Variants in KIAA1217 observed in about 807,000 individuals in gnomAD.
The protein encoded by KIAA1217 is sickle tail protein homolog.
KIAA1217 carries 88 observed loss-of-function variants against 163.9 expected under a neutral mutation model. The observed-to-expected ratio is 0.54, with a 90% confidence interval of 0.45 to 0.64. The LOEUF (loss-of-function observed/expected upper bound fraction) is 0.64, where lower values mean the gene tolerates loss of function less well. Among genes scored for constraint, KIAA1217 ranks in the 30% least tolerant of loss-of-function variants. KIAA1217 has a pLI of 0.00. For synonymous variants in KIAA1217, 903 were observed against 923.1 expected (o/e 0.98, Z 0.39); for missense variants, 2,372 against 2,475.0 (o/e 0.96, Z 0.88).
At chr10:24,088,274 T>TATATATATATATATATATATATATACAC (rs1285415158) in intron 2 of KIAA1217, among the ~76,000 whole-genome samples, 1 of 107,240 alleles carries the variant, frequency 9.3e-6, no homozygotes, top group African/African-American at 3.1e-5. Flanking sequence ...TATATATATA[T>TATATATATATATATATATATATATACAC]ACACACATAT....
Position 24,521,838 on chromosome 10 carries a change from G to A in KIAA1217, c.2365G>A (p.Ala789Thr). The A allele has an allele frequency of 6.2e-7, 1 of 1,613,886 alleles. No homozygotes were observed. The highest frequency in any genetic ancestry group is 1.1e-5 in the South Asian group (1 of 91,082). ...MRAILRIEVE[A>T]VRFLKEEPHK... ...AGCCATCCTGCGCATAGAAGTGGAG[G>A]CCGTGCGGTTTCTGAAGGAGGAGCC... The change falls in exon 12 of 21, where the codon GCC (alanine) becomes ACC (threonine). Residue 789 changes from alanine to threonine, a missense_variant. By Grantham distance (58) the Ala-to-Thr change is moderately conservative. Around this residue, in one of 3 missense-constraint regions of KIAA1217, gnomAD observed 1,431 missense variants for 1,470.3 expected, o/e 0.97. Coordinates refer to ENST00000376454, the MANE Select transcript of KIAA1217 (RefSeq NM_019590.5).
chr10:24,044,149 T>C (rs904883370), intron 2 of KIAA1217, among the ~76,000 whole-genome samples: 5 of 152,290 alleles, frequency 3.3e-5, no homozygotes, highest in Admixed American at 2.6e-4. Context: ...TTTTTATTCT[T>C]TAATCAGTAT....
At chr10:24,084,494 G>A (rs754188422) in intron 2 of KIAA1217, among the ~76,000 whole-genome samples, 1 of 152,198 alleles carries the variant, frequency 6.6e-6, no homozygotes, top group Non-Finnish European at 1.5e-5. Context: ...TTTATAGATA[G>A]TAATGAGAGC....
At chr10:24,220,098 A>C (rs1001036030) in intron 2 of KIAA1217, among the ~76,000 whole-genome samples, 189 bp downstream of exon 2, 3 of 152,190 alleles carry the variant, frequency 2.0e-5, no homozygotes, top group Non-Finnish European at 4.4e-5. Flanking sequence ...CTGCAAGCTC[A>C]GTCTTCTTTG....
At chr10:24,272,039 A>G (rs1171541956) in intron 2 of KIAA1217, among the ~76,000 whole-genome samples, 1 of 152,088 alleles carries the variant, frequency 6.6e-6, no homozygotes, top group African/African-American at 2.4e-5. Flanking sequence ...ATTGGGTGGG[A>G]AGGGTGGACT....
intron 2 of KIAA1217, among the ~76,000 whole-genome samples, chr10:24,321,046 CA>C (rs967179185): frequency 1.2e-4 from 15 of 127,284 alleles, no homozygotes; most frequent in South Asian, 2.9e-4. Context: ...GACTCCATCT[CA>C]AAAAAAAAAC....
chr10:24,156,660 A>G (rs1418002687), intron 2 of KIAA1217, among the ~76,000 whole-genome samples: 2 of 152,096 alleles, frequency 1.3e-5, no homozygotes, highest in Non-Finnish European at 1.5e-5. Context: ...CTGGGCCACT[A>G]TCCACCTTCC....
intron 2 of KIAA1217, among the ~76,000 whole-genome samples, chr10:24,015,589 C>T (rs972543683): frequency 4.0e-5 from 6 of 151,742 alleles, no homozygotes; most frequent in African/African-American, 9.7e-5. Flanking sequence ...AACCGCATCT[C>T]TACTATAAAT....
chr10:24,340,665 G>A (rs765452252), intron 2 of KIAA1217, among the ~76,000 whole-genome samples: 2 of 152,044 alleles, frequency 1.3e-5, no homozygotes, highest in Non-Finnish European at 2.9e-5. Flanking sequence ...GCCAGACAAG[G>A]CTCCGCTGGC....
intron 1 of KIAA1217, among the ~76,000 whole-genome samples, chr10:23,724,713 T>C (rs1963754): frequency 0.22 from 33,238 of 152,158 alleles, 3,870 homozygotes; most frequent in African/African-American, 0.29. Context: ...GAAAGTCCAC[T>C]ACAATCTCTT....
chr10:24,483,172 G>C (rs770337572), intron 6 of KIAA1217: 9 of 152,204 alleles, frequency 5.9e-5, no homozygotes, highest in Non-Finnish European at 1.0e-4. Context: ...AGGAGAAACA[G>C]CAAGGAGACT....
At chr10:24,207,259 T>C (rs932847706), upstream of KIAA1217, among the ~76,000 whole-genome samples, 30 of 136,750 alleles carry the variant, frequency 2.2e-4, no homozygotes, top group African/African-American at 9.2e-4. Context: ...CATCTCCTGC[T>C]ACAGTGTTTC....
chr10:24,100,739 A>G (rs1458158306), intron 2 of KIAA1217, among the ~76,000 whole-genome samples: 1 of 152,250 alleles, frequency 6.6e-6, no homozygotes, highest in Non-Finnish European at 1.5e-5. Context: ...ATATATTTCT[A>G]GTATGACTGC....
chr10:24,452,412 GC>G (rs1564704688), intron 5 of KIAA1217, among the ~76,000 whole-genome samples: 3 of 151,918 alleles, frequency 2.0e-5, no homozygotes, highest in Admixed American at 1.3e-4. Context: ...GGTGGTTCAC[GC>G]CTGTATTTCC....
intron 6 of KIAA1217, chr10:24,482,598 C>T (rs914853904): frequency 4.6e-5 from 7 of 152,278 alleles, no homozygotes; most frequent in African/African-American, 9.6e-5. Flanking sequence ...TTCTGTCTGG[C>T]GGAAACCATG....
intron 2 of KIAA1217, among the ~76,000 whole-genome samples, chr10:24,313,262 G>A (rs1272133088): frequency 1.3e-5 from 2 of 152,164 alleles, no homozygotes; most frequent in Non-Finnish European, 2.9e-5. Flanking sequence ...TCTCTTTGAG[G>A]ACAATGACAG....
In KIAA1217 at chr10:24,162,282, T is replaced by C. The variant is rs901620176; in HGVS notation, c.-170-57344T>C. 2.0e-5 allele frequency among the ~76,000 whole-genome samples: 3 copies of C among 152,242 alleles called. No individual in the cohort carries two copies. In the East Asian group the frequency reaches 5.8e-4, roughly 29 times the overall value. On this transcript the variant is annotated intron_variant, in intron 2 of 18. Coordinates refer to the KIAA1217 transcript ENST00000376462. Reference sequence around the variant, plus strand: ...GGAGACTGTGCATGTTTAAAGGAAGTCTGCCTAAAGCCATGCTTTGTATTC... The same window carrying C: ...GGAGACTGTGCATGTTTAAAGGAAGCCTGCCTAAAGCCATGCTTTGTATTC...
chr10:24,433,396 T>C (rs1414430746), intron 4 of KIAA1217, among the ~76,000 whole-genome samples: 1 of 152,150 alleles, frequency 6.6e-6, no homozygotes. Flanking sequence ...TTTCTTTATA[T>C]CCTAGTGAAG....
At chr10:24,362,275 T>C (rs2050132511) in intron 2 of KIAA1217, among the ~76,000 whole-genome samples, 1 of 152,184 alleles carries the variant, frequency 6.6e-6, no homozygotes, top group South Asian at 2.1e-4. Context: ...TAAAGAGCTG[T>C]TGTGGGACTT....
Sources: gnomAD v4.1 joint callset for allele counts (sites outside exome capture counted in the v4.1 genomes callset) on GRCh38, gnomAD v4.1.1 for gene constraint, gnomAD v4.1.1 regional missense constraint, MANE v1.5 for transcripts, NCBI Gene and HGNC (gene_info 2026-07-23, HGNC 2026-07-21) for gene names.